The following TSC22D3 variants were observed in gnomAD, a reference collection of about 807,000 sequenced individuals.
TSC22D3 encodes the protein TSC22 domain family protein 3.
A neutral mutation model predicts 11.1 loss-of-function variants in TSC22D3; 4 were observed. The observed-to-expected ratio is 0.36, with a 90% CI of 0.18 to 0.83. The LOEUF (loss-of-function observed/expected upper bound fraction) is 0.83, where lower values mean the gene tolerates loss of function less well. Ranked by LOEUF, TSC22D3 falls within the 40% of genes least tolerant of loss-of-function variation. The pLI is 0.48. For missense variants in TSC22D3, 118 were observed against 159.4 expected, an observed-to-expected ratio of 0.74 and a Z score of 1.40; for synonymous variants, 77 against 70.3, an observed-to-expected ratio of 1.10 and a Z score of -0.48.
At chrX:107,735,738 A>G (rs1306258841) in intron 1 of TSC22D3, among the ~76,000 whole-genome samples, 1 of 99,614 alleles carries the variant, frequency 1.0e-5, no homozygotes, top group African/African-American at 3.7e-5. Flanking sequence ...CCCCCAGCTG[A>G]CTATTGCTCT....
chrX:107,739,375 C>T (rs7886469), intron 1 of TSC22D3, among the ~76,000 whole-genome samples: 2,400 of 112,806 alleles, frequency 0.021, 55 homozygotes, highest in African/African-American at 0.07. Context: ...CACGCACACA[C>T]GCACACACAG....
At chrX:107,741,272 A>G (rs1235993714) in intron 1 of TSC22D3, among the ~76,000 whole-genome samples, 2 of 112,388 alleles carry the variant, frequency 1.8e-5, no homozygotes, top group East Asian at 5.6e-4. Context: ...GGAGCCTGAA[A>G]TGAGTGAGGA....
chrX:107,756,241 TG>T (rs1929169116), intron 1 of TSC22D3, among the ~76,000 whole-genome samples: 1 of 112,283 alleles, frequency 8.9e-6, no homozygotes, highest in African/African-American at 3.2e-5. Context: ...TTGCCATATC[TG>T]AGTATTGTTG....
chrX:107,721,200 G>T (rs1927311913), intron 1 of TSC22D3, among the ~76,000 whole-genome samples: 1 of 111,937 alleles, frequency 8.9e-6, no homozygotes, highest in Admixed American at 9.4e-5. Flanking sequence ...TAGATGGAGG[G>T]TGGCGTAATG....
intron 1 of TSC22D3, chrX:107,716,491 C>T: frequency 9.9e-7 from 1 of 1,013,252 alleles, no homozygotes. Flanking sequence ...GCAGCGGCCG[C>T]AGGGACGCTT....
At chrX:107,735,148 G>GTT (rs778529714) in intron 1 of TSC22D3, among the ~76,000 whole-genome samples, 1 of 106,969 alleles carries the variant, frequency 9.3e-6, no homozygotes, top group Non-Finnish European at 1.9e-5. Context: ...AATTGTTGGG[G>GTT]TTTTTTTTTT....
chrX:107,753,339 C>A lies in TSC22D3; in HGVS notation c.320+21761G>T, dbSNP rs1387373875. Reference sequence around the variant, plus strand: ...TGATAGGTAGCAGTGCTGCCTCTTCCAATTCTAGCACTTCTGGGAGTCATT... The same window carrying A: ...TGATAGGTAGCAGTGCTGCCTCTTCAAATTCTAGCACTTCTGGGAGTCATT... On this transcript the variant is annotated intron_variant, in intron 1 of 2. Coordinates refer to ENST00000372383, the MANE Select transcript of TSC22D3 (RefSeq NM_198057.3). Among the ~76,000 whole-genome samples the A allele has an allele frequency of 2.7e-5, 3 of 111,127 alleles. No homozygotes were observed. The East Asian group carries it at 8.5e-4, about 32-fold the overall frequency.
intron 1 of TSC22D3, among the ~76,000 whole-genome samples, chrX:107,741,773 T>C (rs920250260): frequency 9.0e-6 from 1 of 111,657 alleles, no homozygotes; most frequent in East Asian, 2.8e-4. Flanking sequence ...GTACTCTCTG[T>C]GGTCCAAGGA....
chrX:107,746,965 C>CCT (rs1173264816), intron 1 of TSC22D3, among the ~76,000 whole-genome samples: 1 of 112,750 alleles, frequency 8.9e-6, no homozygotes, highest in African/African-American at 3.2e-5. Flanking sequence ...CTCCCTTGGC[C>CCT]TATAGACAAG....
intron 1 of TSC22D3, among the ~76,000 whole-genome samples, chrX:107,764,640 G>A (rs1472939198): frequency 4.5e-5 from 5 of 111,687 alleles, no homozygotes; most frequent in Admixed American, 1.9e-4. Flanking sequence ...AGGGCCATCA[G>A]CAACTTTTTT....
In TSC22D3 at chrX:107,719,706, T is replaced by G. The variant is rs73636308; in HGVS notation, c.321-3756A>C. The stretch of plus-strand genomic sequence containing the variant: ...GCTTGAATGAGTGAGTTGAGGAAGT[T>G]GGTAGGGGGTTTGGAGGTGCCAGAG... On this transcript the variant is annotated intron_variant, in intron 1 of 2. Coordinates refer to ENST00000372383, the MANE Select transcript of TSC22D3 (RefSeq NM_198057.3). Among the ~76,000 whole-genome samples, 624 of 111,181 alleles carry G rather than the reference T, an allele frequency of 5.6e-3. 4 individuals carry two copies. Among genetic ancestry groups the G allele is most frequent in the African/African-American group, 0.02 (600 of 30,489 alleles).
intron 1 of TSC22D3, among the ~76,000 whole-genome samples, chrX:107,761,027 C>A (rs1267290055): frequency 1.8e-5 from 2 of 111,732 alleles, no homozygotes; most frequent in African/African-American, 6.5e-5. Context: ...TGTTCTGGTA[C>A]CACATTTGAC....
intron 1 of TSC22D3, chrX:107,716,692 G>A (rs1291437184): frequency 8.3e-7 from 1 of 1,209,122 alleles, no homozygotes; most frequent in East Asian, 3.0e-5. Flanking sequence ...GCGGTTACCT[G>A]TTGTCCAGCT....
chrX:107,729,396 G>C (rs1171879251), intron 1 of TSC22D3, among the ~76,000 whole-genome samples: 1 of 111,803 alleles, frequency 8.9e-6, no homozygotes, highest in Non-Finnish European at 1.9e-5. Context: ...AGAAATTCCA[G>C]GCAGAAGGGC....
chrX:107,716,631 A>G, intron 1 of TSC22D3: 1 of 1,080,225 alleles, frequency 9.3e-7, no homozygotes, highest in East Asian at 4.1e-5. Flanking sequence ...CCGGGCTCCT[A>G]GCCCAGCTCC....
intron 1 of TSC22D3, among the ~76,000 whole-genome samples, chrX:107,746,183 G>A (rs757762433): frequency 9.0e-6 from 1 of 111,352 alleles, no homozygotes; most frequent in Non-Finnish European, 1.9e-5. Flanking sequence ...AGAGACTGCA[G>A]GTGGCCTGGG....
At chrX:107,734,556 C>T (rs945907022) in intron 1 of TSC22D3, among the ~76,000 whole-genome samples, 1 of 110,888 alleles carries the variant, frequency 9.0e-6, no homozygotes, top group Non-Finnish European at 1.9e-5. Flanking sequence ...CTGCTGGGGT[C>T]CCATGTTGGC....
At chrX:107,732,454 C>T (rs1398236450) in intron 1 of TSC22D3, among the ~76,000 whole-genome samples, 2 of 111,206 alleles carry the variant, frequency 1.8e-5, no homozygotes, top group Admixed American at 9.5e-5. Context: ...CACCCCCGCC[C>T]TACTCCAGCC....
At chrX:107,754,301 CTA>C (rs920842803) in intron 1 of TSC22D3, among the ~76,000 whole-genome samples, 3 of 111,335 alleles carry the variant, frequency 2.7e-5, no homozygotes, top group African/African-American at 9.8e-5. Flanking sequence ...GCCACATGTC[CTA>C]TGTTACCCTA....
Sources: gnomAD v4.1 joint callset for allele counts (sites outside exome capture counted in the v4.1 genomes callset) on GRCh38, gnomAD v4.1.1 for gene constraint, MANE v1.5 for transcripts, NCBI Gene and HGNC (gene_info 2026-07-23, HGNC 2026-07-21) for gene names.